The following NEGR1 variants were observed in gnomAD, a reference collection of about 807,000 sequenced individuals.
NEGR1 encodes the protein IgLON family member 4.
NEGR1 carries 10 observed loss-of-function variants against 40.9 expected under a neutral mutation model. The ratio of observed to expected loss-of-function variants is 0.24; its 90% CI spans 0.15 to 0.42. NEGR1 has a LOEUF of 0.42. NEGR1 is among the 10% of genes least tolerant of loss of function. NEGR1 has a pLI of 1.00. For missense variants in NEGR1, 352 were observed against 438.9 expected (o/e 0.80, Z 1.77); for synonymous variants, 185 against 166.8 (o/e 1.11, Z -0.84).
chr1:71,778,912 C>T (rs1656605372), intron 2 of NEGR1, among the ~76,000 whole-genome samples: 1 of 152,134 alleles, frequency 6.6e-6, no homozygotes, highest in South Asian at 2.1e-4. Context: ...AATTAAGTCC[C>T]TTAGAAATAA....
chr1:71,661,680 G>A (rs2101591090), intron 4 of NEGR1, among the ~76,000 whole-genome samples: 1 of 152,280 alleles, frequency 6.6e-6, no homozygotes, highest in East Asian at 1.9e-4. Context: ...TGAAAAATGA[G>A]AATTAGAACA....
chr1:71,509,215 T>C (rs777935439), intron 6 of NEGR1, among the ~76,000 whole-genome samples: 14 of 152,136 alleles, frequency 9.2e-5, no homozygotes, highest in Non-Finnish European at 1.6e-4. Context: ...TAGGATGAGA[T>C]ACCAATCCTA....
chr1:71,474,308 T>TGA (rs1233037067), intron 6 of NEGR1, among the ~76,000 whole-genome samples: 1 of 146,558 alleles, frequency 6.8e-6, no homozygotes. Context: ...TGTGTGTGTG[T>TGA]GATTAAAACG....
intron 2 of NEGR1, among the ~76,000 whole-genome samples, chr1:71,885,096 C>A (rs1418966517): frequency 6.6e-6 from 1 of 152,182 alleles, no homozygotes; most frequent in East Asian, 1.9e-4. Context: ...GACATCTCCC[C>A]ACCTGGGTGA....
intron 6 of NEGR1, among the ~76,000 whole-genome samples, chr1:71,447,262 T>G (rs1646589167): frequency 6.6e-6 from 1 of 152,108 alleles, no homozygotes. Flanking sequence ...ATTGTAAAAA[T>G]TGTCTTCCAA....
At chr1:71,908,377 C>T (rs953946317) in intron 2 of NEGR1, among the ~76,000 whole-genome samples, 2 of 152,000 alleles carry the variant, frequency 1.3e-5, no homozygotes, top group Non-Finnish European at 2.9e-5. Context: ...TGTCTGAATA[C>T]AAACATTGAA....
intron 1 of NEGR1, among the ~76,000 whole-genome samples, chr1:71,943,432 A>G (rs1341227378): frequency 2.0e-5 from 3 of 151,644 alleles, no homozygotes; most frequent in Non-Finnish European, 4.4e-5. Context: ...AAACATTAAA[A>G]TCACTCATTT....
intron 6 of NEGR1, among the ~76,000 whole-genome samples, chr1:71,469,052 T>G (rs1646765874): frequency 1.3e-5 from 2 of 152,036 alleles, no homozygotes; most frequent in African/African-American, 2.4e-5. Context: ...TACAATATGT[T>G]CAAAGTGCTA....
chr1:71,609,253 C>T (rs944365260), intron 5 of NEGR1, among the ~76,000 whole-genome samples: 7 of 151,818 alleles, frequency 4.6e-5, no homozygotes, highest in East Asian at 3.9e-4. Flanking sequence ...CGGTGGCTCA[C>T]GCCTGTAATC....
chr1:72,127,901 G>GA (rs898827966), intron 1 of NEGR1, among the ~76,000 whole-genome samples: 1 of 151,834 alleles, frequency 6.6e-6, no homozygotes. Flanking sequence ...ATTGGTTGTG[G>GA]AAAAAACAAA....
chr1:72,167,058 A>T (rs2100386505), intron 1 of NEGR1, among the ~76,000 whole-genome samples: 1 of 152,242 alleles, frequency 6.6e-6, no homozygotes, highest in Non-Finnish European at 1.5e-5. Flanking sequence ...CCCTGAAGGT[A>T]CAGAGATAAA....
intron 1 of NEGR1, among the ~76,000 whole-genome samples, chr1:72,258,741 A>G (rs926625788): frequency 1.5e-4 from 23 of 152,246 alleles, no homozygotes; most frequent in African/African-American, 5.5e-4. Context: ...ACAATTGAAA[A>G]CTAATCTATT....
intron 2 of NEGR1, among the ~76,000 whole-genome samples, chr1:71,900,260 C>A (rs1024402341): frequency 6.6e-6 from 1 of 152,142 alleles, no homozygotes; most frequent in Non-Finnish European, 1.5e-5. Flanking sequence ...AACTTATGAA[C>A]TACAGGTTTA....
At chr1:72,021,099 A>G (rs1486216689) in intron 1 of NEGR1, among the ~76,000 whole-genome samples, 1 of 152,140 alleles carries the variant, frequency 6.6e-6, no homozygotes, top group Non-Finnish European at 1.5e-5. Context: ...CTGACTACGA[A>G]TCCATTTGAA....
At chr1:71,699,682 G>A (rs1653616261) in intron 3 of NEGR1, among the ~76,000 whole-genome samples, 2 of 151,844 alleles carry the variant, frequency 1.3e-5, no homozygotes. Context: ...CTGATGTGAA[G>A]ACATGAGATT....
intron 1 of NEGR1, among the ~76,000 whole-genome samples, chr1:72,047,536 A>T (rs1647013594): frequency 6.6e-6 from 1 of 151,432 alleles, no homozygotes. Context: ...ATTTTCATAA[A>T]TTATAAGTAA....
intron 1 of NEGR1, among the ~76,000 whole-genome samples, chr1:72,152,028 A>T (rs1651145601): frequency 6.6e-6 from 1 of 151,872 alleles, no homozygotes; most frequent in Non-Finnish European, 1.5e-5. Flanking sequence ...AATAGATTTG[A>T]TGAACACATA....
intron 1 of NEGR1, among the ~76,000 whole-genome samples, chr1:71,975,904 G>A (rs1646298867): frequency 6.6e-6 from 1 of 152,150 alleles, no homozygotes; most frequent in African/African-American, 2.4e-5. Flanking sequence ...GACTGTCATT[G>A]AATTCAAGCA....
At chr1:72,086,848 T>C (rs1648243623) in intron 1 of NEGR1, among the ~76,000 whole-genome samples, 1 of 152,196 alleles carries the variant, frequency 6.6e-6, no homozygotes. Flanking sequence ...ATCTAAAATA[T>C]TTAAACTTTT....
Sources: allele counts gnomAD v4.1 joint callset (sites outside exome capture counted in the v4.1 genomes callset), GRCh38; gene constraint gnomAD v4.1.1; transcripts MANE v1.5; gene names NCBI Gene and HGNC (gene_info 2026-07-23, HGNC 2026-07-21).